Variants in NALCN observed in about 807,000 individuals in gnomAD.
The protein encoded by NALCN is sodium leak channel, non-selective.
NALCN carries 111 observed loss-of-function variants against 225.3 expected under a neutral mutation model. That is an observed-to-expected ratio of 0.49 (90% confidence interval 0.42 to 0.58). NALCN has a LOEUF of 0.58. Ranked by LOEUF, NALCN falls within the 20% of genes least tolerant of loss-of-function variation. The pLI is 0.00. For missense variants in NALCN, 1,378 were observed against 2,202.4 expected, an observed-to-expected ratio of 0.63 and a Z score of 7.49; for synonymous variants, 764 against 769.0, an observed-to-expected ratio of 0.99 and a Z score of 0.11.
chr13:101,122,208 T>C (rs1004554073), intron 18 of NALCN, among the ~76,000 whole-genome samples: 2 of 152,182 alleles, frequency 1.3e-5, no homozygotes, highest in African/African-American at 4.8e-5. Flanking sequence ...CCTTAATTCA[T>C]GCAGAAACTA....
At chr13:101,185,799 TGG>T (rs2139982069) in intron 14 of NALCN, among the ~76,000 whole-genome samples, 1 of 152,334 alleles carries the variant, frequency 6.6e-6, no homozygotes, top group East Asian at 1.9e-4. Context: ...TGCCTGTCCC[TGG>T]GAAGACTAAA....
intron 26 of NALCN, 68 bp downstream of exon 26, chr13:101,103,104 T>C: frequency 6.5e-7 from 1 of 1,545,442 alleles, no homozygotes; most frequent in Non-Finnish European, 8.7e-7. Context: ...CAAGACTCAC[T>C]TTTCCCTCAT....
chr13:101,305,191 C>A (rs564878108), intron 7 of NALCN, among the ~76,000 whole-genome samples: 1 of 152,164 alleles, frequency 6.6e-6, no homozygotes, highest in Admixed American at 6.5e-5. Flanking sequence ...GCAGGTCAAA[C>A]GTTGTCTCTT....
chr13:101,257,253 G>C (rs1044120631), intron 11 of NALCN, among the ~76,000 whole-genome samples: 1 of 139,562 alleles, frequency 7.2e-6, no homozygotes, highest in African/African-American at 2.7e-5. Context: ...CCATATACCA[G>C]GTGGCCATTG....
chr13:101,365,206 C>A (rs1344143088), intron 6 of NALCN, among the ~76,000 whole-genome samples: 1 of 152,132 alleles, frequency 6.6e-6, no homozygotes, highest in Admixed American at 6.6e-5. Flanking sequence ...TCATCCTCCA[C>A]CCTCAGGTAG....
In NALCN at chr13:101,058,022, A is replaced by G. The variant is rs534216823; in HGVS notation, c.4940T>C (p.Leu1647Pro). The change falls in exon 43 of 44, where the codon CTG becomes CCG. Residue 1647 changes from leucine (L) to proline (P), a missense_variant. By Grantham distance (98) the Leu-to-Pro change is moderately conservative (BLOSUM62 -3). This residue lies in a region of NALCN where 145 missense variants were observed against 169.6 expected (regional missense o/e 0.85). Transcript: ENST00000251127. ...SSQQQLLSPTLSDRGGSRQDA... is the reference protein window; with the variant it reads ...SSQQQLLSPTPSDRGGSRQDA... ...TTGCCGACTTCCTCCTCGATCCGAC[A>G]GCGTGGGGCTCAGGAGCTGCTGCTG... 1.6e-5 allele frequency: 26 copies of G among 1,613,662 alleles called. No homozygotes were observed. The highest frequency in any genetic ancestry group is 4.5e-5 in the East Asian group (2 of 44,878).
chr13:101,396,197 T>C (rs1250179596), intron 2 of NALCN, among the ~76,000 whole-genome samples: 1 of 152,078 alleles, frequency 6.6e-6, no homozygotes, highest in East Asian at 1.9e-4. Context: ...TGTGTTAACA[T>C]GAATATATAT....
intron 10 of NALCN, among the ~76,000 whole-genome samples, chr13:101,271,955 C>G (rs1290579067): frequency 6.7e-6 from 1 of 148,150 alleles, no homozygotes; most frequent in African/African-American, 2.6e-5. Context: ...TGTGCATGAG[C>G]ATGTGCGTGT....
At chr13:101,396,187 T>C (rs2139492997) in intron 2 of NALCN, among the ~76,000 whole-genome samples, 1 of 152,182 alleles carries the variant, frequency 6.6e-6, no homozygotes, top group African/African-American at 2.4e-5. Flanking sequence ...AAGATAAGTG[T>C]GTGTTAACAT....
At chr13:101,274,195 T>A (rs2140262817) in intron 10 of NALCN, among the ~76,000 whole-genome samples, 1 of 152,260 alleles carries the variant, frequency 6.6e-6, no homozygotes, top group African/African-American at 2.4e-5. Flanking sequence ...TTAGAACACC[T>A]CTCTCACGTG....
At chr13:101,399,356 T>C (rs1291644227) in intron 1 of NALCN, among the ~76,000 whole-genome samples, 191 bp from the exon 2 acceptor site, 1 of 152,174 alleles carries the variant, frequency 6.6e-6, no homozygotes, top group South Asian at 2.1e-4. Flanking sequence ...GATTTTTTTC[T>C]CCCAAAGCAA....
chr13:101,138,890 A>C (rs1289959168), intron 17 of NALCN, among the ~76,000 whole-genome samples: 1 of 152,198 alleles, frequency 6.6e-6, no homozygotes, highest in African/African-American at 2.4e-5. Flanking sequence ...TTCTGCTTGG[A>C]AACTGGAAAA....
chr13:101,283,760 TA>T lies in NALCN; in HGVS notation c.1134+172del, dbSNP rs200513039. Among the ~76,000 whole-genome samples, 313 of 142,816 alleles carry T rather than the reference TA, an allele frequency of 2.2e-3. No homozygotes were observed. Among genetic ancestry groups the T allele is most frequent in the Middle Eastern group, 3.7e-3 (1 of 270 alleles). The allele number at this position is 142,816 out of a possible 152,430, so 93.7% of individuals were successfully genotyped here. On this transcript the variant is annotated intron_variant, in intron 10 of 43. Coordinates refer to ENST00000251127, the MANE Select transcript of NALCN (RefSeq NM_052867.4). Reference sequence around the variant, plus strand: ...CTTATCAAATCCCTATTGTGTATGTTAAAAAAAAAAAAGCTAGGTCCTGGGA... The same window carrying T: ...CTTATCAAATCCCTATTGTGTATGTTAAAAAAAAAAAGCTAGGTCCTGGGA...
At chr13:101,110,265 T>C (rs2035357938) in intron 20 of NALCN, among the ~76,000 whole-genome samples, 1 of 152,256 alleles carries the variant, frequency 6.6e-6, no homozygotes, top group African/African-American at 2.4e-5. Context: ...ATCTAGATTC[T>C]AGAATATTCG....
intron 1 of NALCN, among the ~76,000 whole-genome samples, chr13:101,411,208 TTTTTTTTCC>T (rs1351857222): frequency 8.2e-5 from 10 of 121,640 alleles, no homozygotes; most frequent in Non-Finnish European, 1.8e-4. Context: ...ATCCTCTTTC[TTTTTTTTCC>T]TTTTTTTTTG....
In NALCN at chr13:101,377,112, G is replaced by C. The variant is rs1415229408; in HGVS notation, c.376-56C>G. 44 of 1,607,366 alleles carry C rather than the reference G, an allele frequency of 2.7e-5. No homozygotes were observed. The Admixed American group carries it at 6.7e-4, about 24-fold the overall frequency. On this transcript the variant is annotated intron_variant, in intron 4 of 43. Coordinates refer to ENST00000251127, the MANE Select transcript of NALCN (RefSeq NM_052867.4). Reference sequence around the variant, plus strand: ...GGATTTTCCCTTAGCATTGCTTATAGTCATGGAACATACAGATGTTAGCAG... The same window carrying C: ...GGATTTTCCCTTAGCATTGCTTATACTCATGGAACATACAGATGTTAGCAG...
intron 15 of NALCN, among the ~76,000 whole-genome samples, chr13:101,170,358 T>A (rs935466259): frequency 3.3e-5 from 5 of 152,128 alleles, no homozygotes; most frequent in African/African-American, 1.2e-4. Context: ...TTTTGTTCTA[T>A]CTGGGACCTC....
intron 18 of NALCN, among the ~76,000 whole-genome samples, chr13:101,118,346 A>G (rs1043056820): frequency 3.3e-5 from 5 of 152,210 alleles, no homozygotes; most frequent in Admixed American, 6.5e-5. Context: ...CTTAACTAAA[A>G]ACAATCTATA....
chr13:101,088,062 A>G (rs2034019998), intron 30 of NALCN, among the ~76,000 whole-genome samples: 1 of 152,044 alleles, frequency 6.6e-6, no homozygotes, highest in Admixed American at 6.6e-5. Flanking sequence ...GGCTCAAAGC[A>G]TCTCGTTAAT....
Sources: gnomAD v4.1 joint callset for allele counts (sites outside exome capture counted in the v4.1 genomes callset) on GRCh38, gnomAD v4.1.1 for gene constraint, gnomAD v4.1.1 regional missense constraint, MANE v1.5 for transcripts, NCBI Gene and HGNC (gene_info 2026-07-23, HGNC 2026-07-21) for gene names.